SLC40A1: variants seen among roughly 807,000 people sequenced by gnomAD.
SLC40A1 encodes ferroportin.
Under a neutral mutation model 53.5 loss-of-function variants are expected in SLC40A1, and 16 were observed. The observed-to-expected ratio is 0.30, with a 90% CI of 0.20 to 0.45. The LOEUF (loss-of-function observed/expected upper bound fraction) is 0.45, where lower values mean the gene tolerates loss of function less well. Among genes scored for constraint, SLC40A1 ranks in the 20% least tolerant of loss-of-function variants. The pLI is 1.00. For missense variants in SLC40A1, 545 were observed against 695.4 expected (o/e 0.78, Z 2.43); for synonymous variants, 247 against 253.2 (o/e 0.98, Z 0.23).
At position 189,564,170 on chromosome 2, in the gene SLC40A1, G is replaced by T; in HGVS notation, c.816C>A (p.Asn272Lys). Reference protein sequence around the residue: ...GTHLMGVKDSNIHELEHEQEP... With the variant: ...GTHLMGVKDSKIHELEHEQEP... ...CTTGCTCATGTTCAAGCTCATGGAT[G>T]TTAGAGTCTTTCACACCCATTAGAT... The change falls in exon 7 of 8, where the codon AAC (asparagine) becomes AAA (lysine). Residue 272 changes from asparagine to lysine, a missense_variant. Physicochemically the swap from Asn to Lys is moderately conservative, Grantham distance 94 (BLOSUM62 0). Coordinates refer to ENST00000261024, the MANE Select transcript of SLC40A1 (RefSeq NM_014585.6). 1 of 1,613,778 alleles carries T rather than the reference G, an allele frequency of 6.2e-7. No homozygotes were observed. Among genetic ancestry groups the T allele is most frequent in the Admixed American group, 1.7e-5 (1 of 59,944 alleles).
chr2:189,578,219 CTAGTGT>C lies in SLC40A1; in HGVS notation c.111+1588_111+1593del, dbSNP rs1489720405. On this transcript the variant is annotated intron_variant, in intron 2 of 7. Transcript: ENST00000261024. ...GAAAAAACATAAAAAGCATAATTAC[CTAGTGT>C]TAGAGACATTCCTCTTTTGCACTCC... is the stretch of plus-strand genomic sequence containing the variant. 3 of 993,778 alleles carry C rather than the reference CTAGTGT, an allele frequency of 3.0e-6. No individual in the cohort carries two copies. In the Admixed American group the frequency reaches 1.8e-4, roughly 61 times the overall value. 61.6% of individuals were successfully genotyped at this position (993,778 alleles called of 1,614,324 possible).
chr2:189,564,932 T>A (rs2030885075), intron 6 of SLC40A1, among the ~76,000 whole-genome samples: 2 of 152,176 alleles, frequency 1.3e-5, no homozygotes, highest in South Asian at 4.1e-4. Context: ...CGTCCTCTTC[T>A]CCAGTGAAAT....
chr2:189,566,323 CA>C (rs2030939322), intron 5 of SLC40A1, among the ~76,000 whole-genome samples: 1 of 152,182 alleles, frequency 6.6e-6, no homozygotes, highest in Non-Finnish European at 1.5e-5. Flanking sequence ...GTGCCAACCC[CA>C]GGGGACACCA....
chr2:189,571,417 C>A (rs2031119328), intron 5 of SLC40A1, among the ~76,000 whole-genome samples: 2 of 148,272 alleles, frequency 1.3e-5, no homozygotes, highest in South Asian at 2.1e-4. Flanking sequence ...TAAGTATAAA[C>A]ATTTAGAAAG....
intron 2 of SLC40A1, 62 bp from the exon 3 acceptor site, chr2:189,575,382 G>T: frequency 6.4e-7 from 1 of 1,573,038 alleles, no homozygotes; most frequent in Non-Finnish European, 8.7e-7. Flanking sequence ...ATTGTACTCA[G>T]GAAGTTGCTT....
rs11568351 is a variant in SLC40A1, at chr2:189,580,468, G to C, written c.-8C>G. 325,246 of 1,613,064 alleles carry C rather than the reference G, an allele frequency of 0.2. 35,740 individuals are homozygous for C. The highest frequency in any genetic ancestry group is 0.23 in the Non-Finnish European group (269,772 of 1,179,812). ...ATCTCCCGCCCTGGTCATGACACTA[G>C]GCGACCCCGCTGGCTCTTCTGCGGC... On this transcript the variant is annotated 5_prime_UTR_variant, in exon 1 of 8. Transcript: ENST00000261024.
intron 5 of SLC40A1, among the ~76,000 whole-genome samples, chr2:189,570,037 TATATATAC>T (rs2105626347): frequency 7.3e-6 from 1 of 137,838 alleles, no homozygotes; most frequent in Non-Finnish European, 1.6e-5. Flanking sequence ...TGTATGTATA[TATATATAC>T]ACACACCTAT....
chr2:189,565,423 G>C lies in SLC40A1; in HGVS notation c.691C>G (p.Pro231Ala). ...AGACCAGCTTTCACAGCTAGAGCTGGGGTTTTCTGGTAAACCTTCCAGAGC... is the reference window on the plus strand; with the variant it reads ...AGACCAGCTTTCACAGCTAGAGCTGCGGTTTTCTGGTAAACCTTCCAGAGC... ...VLLWKVYQKT[P>A]ALAVKAGLKE... The change falls in exon 6 of 8, where the codon CCA (proline) becomes GCA (alanine). Residue 231 changes from proline (P) to alanine (A), a missense_variant. Transcript: ENST00000261024. 1 of 1,614,188 alleles carries C rather than the reference G, an allele frequency of 6.2e-7. No individual in the cohort carries two copies. The highest frequency in any genetic ancestry group is 8.5e-7 in the Non-Finnish European group (1 of 1,180,026).
At position 189,564,100 on chromosome 2, in the gene SLC40A1, G is replaced by A; in HGVS notation, c.886C>T (p.Arg296Ter). Residue 296 changes from arginine to a stop codon, truncating the protein, a stop_gained, in exon 7 of 8, where the codon CGA (arginine) becomes TGA (stop). Coordinates refer to ENST00000261024, the MANE Select transcript of SLC40A1 (RefSeq NM_014585.6). LOFTEE classifies it high-confidence loss of function. ...SQMAEPFRTF[R>*]DGWVSYYNQP... Reference sequence around the variant, plus strand: ...TTGTAGTAGGAGACCCATCCATCTCGGAAGGTACGGAAGGGCTCAGCCATC... The same window carrying A: ...TTGTAGTAGGAGACCCATCCATCTCAGAAGGTACGGAAGGGCTCAGCCATC... 1.9e-6 allele frequency: 3 copies of A among 1,608,702 alleles called. No homozygotes were observed. Among genetic ancestry groups the A allele is most frequent in the African/African-American group, 1.3e-5 (1 of 74,736 alleles).
intron 6 of SLC40A1, among the ~76,000 whole-genome samples, chr2:189,565,044 A>C (rs1172036515): frequency 6.6e-6 from 1 of 151,760 alleles, no homozygotes; most frequent in African/African-American, 2.4e-5. Flanking sequence ...TTTTTTCCCC[A>C]CATTTTTTCC....
In SLC40A1 at chr2:189,560,630, A is replaced by C. The variant is rs1168877284; in HGVS notation, c.*1248T>G. On this transcript the variant is annotated 3_prime_UTR_variant, in exon 8 of 8. Coordinates refer to ENST00000261024, the MANE Select transcript of SLC40A1 (RefSeq NM_014585.6). ...TATTTTTATATAGAAATTTTTTACA[A>C]AGATTTTACAACATAGCAAATCATT... 4 of 152,656 alleles carry C rather than the reference A, an allele frequency of 2.6e-5. No individual in the cohort carries two copies. The highest frequency in any genetic ancestry group is 4.1e-4 in the South Asian group (2 of 4,826). The allele number at this position is 152,656 out of a possible 1,614,324, so 9.5% of individuals were successfully genotyped here.
At chr2:189,577,761 G>A (rs1031821406) in intron 2 of SLC40A1, among the ~76,000 whole-genome samples, 2 of 151,618 alleles carry the variant, frequency 1.3e-5, no homozygotes, top group African/African-American at 4.8e-5. Flanking sequence ...CTACAGGTGT[G>A]TCTCATGACA....
In SLC40A1 at chr2:189,563,794, G is replaced by C; in HGVS notation, c.1192C>G (p.Leu398Val). Residue 398 changes from leucine to valine, a missense_variant, in exon 7 of 8, where the codon CTG (leucine) becomes GTG (valine). Transcript: ENST00000261024. ...TCAAAAGGAGAAACGGACAAGTCCAGGGGGCTTCCAGGCATGAATACAGAG... is the reference window on the plus strand; with the variant it reads ...TCAAAAGGAGAAACGGACAAGTCCACGGGGCTTCCAGGCATGAATACAGAG... ...VISVFMPGSPLDLSVSPFEDI... is the reference protein window; with the variant it reads ...VISVFMPGSPVDLSVSPFEDI... The C allele has an allele frequency of 6.2e-7, 1 of 1,614,170 alleles. No homozygotes were observed. Among genetic ancestry groups the C allele is most frequent in the Non-Finnish European group, 8.5e-7 (1 of 1,180,016 alleles).
At chr2:189,575,109 C>G (rs2031247622) in intron 3 of SLC40A1, 52 bp downstream of exon 3, 3 of 1,592,742 alleles carry the variant, frequency 1.9e-6, no homozygotes, top group Non-Finnish European at 2.6e-6. Flanking sequence ...ACAGAGGTAG[C>G]TCAGGCATTG....
chr2:189,565,461 A>C lies in SLC40A1; in HGVS notation c.653T>G (p.Val218Gly). The C allele has an allele frequency of 6.2e-7, 1 of 1,614,264 alleles. No individual in the cohort carries two copies. The highest frequency in any genetic ancestry group is 1.6e-4 in the Middle Eastern group (1 of 6,062). The stretch of plus-strand genomic sequence containing the variant: ...AACCTTCCAGAGCAGAACGTACTCC[A>C]CGCACATGGATACCAAGTTCCATCC... ...ISGWNLVSMC[V>G]EYVLLWKVYQ... Residue 218 changes from valine (V) to glycine (G), a missense_variant, in exon 6 of 8, where the codon GTG becomes GGG. Coordinates refer to ENST00000261024, the MANE Select transcript of SLC40A1 (RefSeq NM_014585.6).
At chr2:189,580,246 C>T (rs1418312082) in intron 1 of SLC40A1, among the ~76,000 whole-genome samples, 172 bp downstream of exon 1, 1 of 152,172 alleles carries the variant, frequency 6.6e-6, no homozygotes, top group Non-Finnish European at 1.5e-5. Flanking sequence ...CCCCTTTTCC[C>T]ACACCCTGAA....
intron 4 of SLC40A1, 30 bp from the exon 5 acceptor site, chr2:189,571,871 T>C: frequency 4.9e-6 from 7 of 1,429,548 alleles, no homozygotes; most frequent in African/African-American, 1.4e-5. Flanking sequence ...AAATGAGTTA[T>C]AATGTCAGTT....
rs1034662990 is a variant in SLC40A1, at chr2:189,579,971, A to G, written c.44-91T>C. 23 of 1,294,944 alleles carry G rather than the reference A, an allele frequency of 1.8e-5. No homozygotes were observed. The African/African-American group carries it at 2.7e-4, about 15-fold the overall frequency. 80.2% of individuals were successfully genotyped at this position (1,294,944 alleles called of 1,614,324 possible). The stretch of plus-strand genomic sequence containing the variant: ...CTTATCCATTTGATCTCATTAGAAC[A>G]TGATTATTAAAAACTACTTTGCAGG... On this transcript the variant is annotated intron_variant, in intron 1 of 7. Coordinates refer to ENST00000261024, the MANE Select transcript of SLC40A1 (RefSeq NM_014585.6).
intron 5 of SLC40A1, among the ~76,000 whole-genome samples, chr2:189,569,271 T>C (rs1464632663): frequency 6.6e-6 from 1 of 152,170 alleles, no homozygotes; most frequent in Non-Finnish European, 1.5e-5. Context: ...AGCTCAAAAC[T>C]TTTACTTTTC....
Sources: allele counts gnomAD v4.1 joint callset (sites outside exome capture counted in the v4.1 genomes callset), GRCh38; gene constraint gnomAD v4.1.1; transcripts MANE v1.5; gene names NCBI Gene and HGNC (gene_info 2026-07-23, HGNC 2026-07-21).